The following SCCPDH variants were observed in gnomAD, a reference collection of about 807,000 sequenced individuals.
SCCPDH encodes the protein saccharopine dehydrogenase-like oxidoreductase.
Under a neutral mutation model 51.5 loss-of-function variants are expected in SCCPDH, and 34 were observed. The ratio of observed to expected loss-of-function variants is 0.66; its 90% CI spans 0.50 to 0.88. The LOEUF (loss-of-function observed/expected upper bound fraction) is 0.88, where lower values mean the gene tolerates loss of function less well. Ranked by LOEUF, SCCPDH falls within the 40% of genes least tolerant of loss-of-function variation. SCCPDH has a pLI of 0.00. For synonymous variants in SCCPDH, 187 were observed against 191.3 expected (o/e 0.98, Z 0.19); for missense variants, 464 against 527.1 (o/e 0.88, Z 1.17).
chr1:246,742,223 T>C (rs1423246736), intron 4 of SCCPDH, among the ~76,000 whole-genome samples: 2 of 152,258 alleles, frequency 1.3e-5, no homozygotes, highest in African/African-American at 2.4e-5. Context: ...TTAGACCTAA[T>C]ATGTCTCCAT....
At chr1:246,764,219 A>G in intron 9 of SCCPDH, 27 bp from the exon 10 acceptor site, 4 of 1,411,642 alleles carry the variant, frequency 2.8e-6, no homozygotes, top group Non-Finnish European at 4.0e-6. Flanking sequence ...TATTTATGAA[A>G]TGCGCCCTTT....
chr1:246,727,499 C>A (rs933441943), intron 2 of SCCPDH, among the ~76,000 whole-genome samples: 2 of 152,100 alleles, frequency 1.3e-5, no homozygotes, highest in Non-Finnish European at 2.9e-5. Flanking sequence ...CAGAAAATCC[C>A]TCGTGGACAT....
In SCCPDH at chr1:246,766,065, C is replaced by G; in HGVS notation, c.1110C>G (p.Gly370=). 1.2e-6 allele frequency: 2 copies of G among 1,610,352 alleles called. No individual in the cohort carries two copies. The highest frequency in any genetic ancestry group is 2.2e-5 in the South Asian group (2 of 90,568). Residue 370 remains glycine (G), a synonymous_variant, in exon 11 of 12, where the codon GGC becomes GGG. Transcript: ENST00000366510. ...ATCAACTGTTTTCTGCAGAGGCTGG[C>G]TATGTGGCTACCCCCATAGCTATGG... ...ICTQVKGPEA[G]YVATPIAMVQ... is the part of the protein sequence containing the mutation.
At chr1:246,746,260 G>A (rs1388841119) in intron 5 of SCCPDH, among the ~76,000 whole-genome samples, 4 of 152,020 alleles carry the variant, frequency 2.6e-5, no homozygotes, top group East Asian at 3.9e-4. Flanking sequence ...TGAGAGGATC[G>A]TGATTGATTG....
chr1:246,733,791 CA>C (rs919546186), intron 2 of SCCPDH, among the ~76,000 whole-genome samples: 17 of 152,150 alleles, frequency 1.1e-4, no homozygotes, highest in African/African-American at 4.1e-4. Flanking sequence ...GTGAGAAAAT[CA>C]GGGGGAAGAG....
chr1:246,764,408 A>G lies in SCCPDH; in HGVS notation c.1102+51A>G, dbSNP rs570299524. 7.4e-6 allele frequency: 7 copies of G among 945,200 alleles called. No homozygotes were observed. In the South Asian group the frequency reaches 8.7e-5, roughly 12 times the overall value. 58.6% of individuals were successfully genotyped at this position (945,200 alleles called of 1,614,324 possible). On this transcript the variant is annotated intron_variant, in intron 10 of 11. Coordinates refer to ENST00000366510, the MANE Select transcript of SCCPDH (RefSeq NM_016002.3). ...CTTGGGAATTTTATACTCTTAAGCT[A>G]TAAAGTACAATGCCATTACAATATA... is the stretch of plus-strand genomic sequence containing the variant.
At chr1:246,729,330 G>A (rs942301582) in intron 2 of SCCPDH, among the ~76,000 whole-genome samples, 23 of 152,156 alleles carry the variant, frequency 1.5e-4, no homozygotes, top group Middle Eastern at 3.4e-3. Flanking sequence ...TGAGGGTGCT[G>A]CAGGAGACCA....
intron 1 of SCCPDH, among the ~76,000 whole-genome samples, chr1:246,725,629 C>T (rs1362278868): frequency 1.3e-5 from 2 of 152,214 alleles, no homozygotes; most frequent in East Asian, 3.8e-4. Context: ...AGGCTGGACT[C>T]TCCTACAGCT....
At chr1:246,729,525 G>A (rs915982408) in intron 2 of SCCPDH, among the ~76,000 whole-genome samples, 10 of 152,168 alleles carry the variant, frequency 6.6e-5, no homozygotes, top group Non-Finnish European at 1.0e-4. Context: ...CTGCCCAGTC[G>A]CGCAGGCAGT....
rs548246929 is a variant in SCCPDH at position 246,752,648 on chromosome 1, C to G, written c.565-5578C>G. ...TTAATTTAACACGAATCGGAGGAAT[C>G]TGTAACTTTCCTCGATTCCTGTCTT... On this transcript the variant is annotated intron_variant, in intron 5 of 11. Coordinates refer to ENST00000366510, the MANE Select transcript of SCCPDH (RefSeq NM_016002.3). Among the ~76,000 whole-genome samples, 58 of 152,094 alleles carry G rather than the reference C, an allele frequency of 3.8e-4. No individual in the cohort carries two copies. In the Middle Eastern group the frequency reaches 0.01, roughly 27 times the overall value.
intron 2 of SCCPDH, among the ~76,000 whole-genome samples, chr1:246,728,338 C>G (rs972685449): frequency 6.6e-6 from 1 of 152,228 alleles, no homozygotes; most frequent in Non-Finnish European, 1.5e-5. Flanking sequence ...TAGATTCCAT[C>G]CATGAGGTCC....
At chr1:246,752,464 A>G (rs1218005847) in intron 5 of SCCPDH, among the ~76,000 whole-genome samples, 1 of 152,030 alleles carries the variant, frequency 6.6e-6, no homozygotes, top group African/African-American at 2.4e-5. Context: ...GCTTCTTTAC[A>G]GGCAGAATTT....
Position 246,758,913 on chromosome 1 carries a change from C to A in SCCPDH, c.696-121C>A, listed in dbSNP as rs947533900. On this transcript the variant is annotated intron_variant, in intron 6 of 11. Transcript: ENST00000366510. Reference sequence around the variant, plus strand: ...AAGTGATCCTCCTGCCTCGGCCTCCCAAAGTGCTGGGATTACAGGCATGAG... The same window carrying A: ...AAGTGATCCTCCTGCCTCGGCCTCCAAAAGTGCTGGGATTACAGGCATGAG... 2.2e-5 allele frequency: 16 copies of A among 737,612 alleles called. No homozygotes were observed. In the East Asian group the frequency reaches 3.8e-4, roughly 18 times the overall value. 45.7% of individuals were successfully genotyped at this position (737,612 alleles called of 1,614,324 possible).
chr1:246,724,599 G>C lies in SCCPDH; in HGVS notation c.177G>C (p.Ala59=). 1.3e-6 allele frequency: 2 copies of C among 1,502,726 alleles called. No homozygotes were observed. Among genetic ancestry groups the C allele is most frequent in the East Asian group, 5.7e-5 (2 of 34,884 alleles). The allele number at this position is 1,502,726 out of a possible 1,614,324, so 93.1% of individuals were successfully genotyped here. ...AGCTGCAGCGGGTGCTGGAGAAGGC[G>C]GCCCTGAAGCTGGGTACAGCGGCGG... ...REKLQRVLEK[A]ALKLGRPTLS... The change falls in exon 1 of 12, where the codon GCG becomes GCC. Residue 59 remains alanine, a synonymous_variant. Transcript: ENST00000366510.
At chr1:246,730,302 T>C (rs1338261202) in intron 2 of SCCPDH, among the ~76,000 whole-genome samples, 1 of 152,236 alleles carries the variant, frequency 6.6e-6, no homozygotes, top group East Asian at 1.9e-4. Context: ...CTCCTTTCTT[T>C]GCTCAGCTTC....
At chr1:246,745,492 T>C (rs1298461833) in intron 5 of SCCPDH, among the ~76,000 whole-genome samples, 9 of 152,180 alleles carry the variant, frequency 5.9e-5, no homozygotes, top group Non-Finnish European at 1.3e-4. Context: ...GATGAAATAC[T>C]GTAGGATTCT....
chr1:246,766,198 A>AT (rs1669085704), intron 11 of SCCPDH, 59 bp downstream of exon 11: 1 of 1,233,722 alleles, frequency 8.1e-7, no homozygotes, highest in Admixed American at 2.0e-5. Flanking sequence ...ATTTTAGCTT[A>AT]TTTTGATTTG....
chr1:246,747,565 A>C (rs1328369894), intron 5 of SCCPDH, among the ~76,000 whole-genome samples: 5 of 152,220 alleles, frequency 3.3e-5, no homozygotes, highest in Admixed American at 3.3e-4. Context: ...CAGCAAGGCA[A>C]CTTTACTTCT....
chr1:246,728,640 G>A (rs1175759050), intron 2 of SCCPDH, among the ~76,000 whole-genome samples: 1 of 152,094 alleles, frequency 6.6e-6, no homozygotes, highest in Non-Finnish European at 1.5e-5. Context: ...TGAACTTTTA[G>A]TATCCCGTCT....
Sources: gnomAD v4.1 joint callset for allele counts (sites outside exome capture counted in the v4.1 genomes callset) on GRCh38, gnomAD v4.1.1 for gene constraint, MANE v1.5 for transcripts, NCBI Gene and HGNC (gene_info 2026-07-23, HGNC 2026-07-21) for gene names.